The following PLA2G5 variants were observed in gnomAD, a reference collection of about 807,000 sequenced individuals.
PLA2G5 encodes the protein Ca2+-dependent phospholipase A2.
In PLA2G5, 12 loss-of-function variants were observed where a neutral mutation model predicts 15.9. The ratio of observed to expected loss-of-function variants is 0.76; its 90% CI spans 0.48 to 1.23. The LOEUF (loss-of-function observed/expected upper bound fraction) is 1.23, where lower values mean the gene tolerates loss of function less well. Ranked by LOEUF, PLA2G5 falls within the 50% of genes most tolerant of loss-of-function variation. The probability of loss-of-function intolerance (pLI) is 0.00; values close to 1 mark genes in which losing one functional copy is unlikely to be tolerated. For missense variants in PLA2G5, 169 were observed against 177.1 expected (o/e 0.95, Z 0.26); for synonymous variants, 71 against 71.4 (o/e 0.99, Z 0.03).
intron 1 of PLA2G5, among the ~76,000 whole-genome samples, chr1:20,047,188 G>A (rs753669715): frequency 6.6e-6 from 1 of 152,132 alleles, no homozygotes; most frequent in Non-Finnish European, 1.5e-5. Flanking sequence ...ATTGCCCAGC[G>A]TTTTGAGCCC....
intron 1 of PLA2G5, among the ~76,000 whole-genome samples, chr1:20,047,542 T>C (rs2013972683): frequency 6.6e-6 from 1 of 152,180 alleles, no homozygotes; most frequent in Non-Finnish European, 1.5e-5. Context: ...CTGCAAAGTA[T>C]AGAGTTCATA....
At chr1:20,067,660 C>G (rs1353517061), upstream of PLA2G5, among the ~76,000 whole-genome samples, 4 of 151,498 alleles carry the variant, frequency 2.6e-5, no homozygotes, top group African/African-American at 9.7e-5. Flanking sequence ...TGCACTCCAG[C>G]CTGGGCGACA....
Position 20,070,471 on chromosome 1 carries a change from T to A in PLA2G5, c.-11+6T>A. ...TTTGAGGCCAGGCCAAAGAGGTTAG[T>A]TACTGATGGGGGCTGCATAAATTGG... On this transcript the variant is annotated splice_donor_region_variant and intron_variant, in intron 1 of 4. Transcript: ENST00000375108. The A allele has an allele frequency of 1.0e-6, 1 of 984,398 alleles. No homozygotes were observed. The highest frequency in any genetic ancestry group is 1.2e-6 in the Non-Finnish European group (1 of 829,804). 61.0% of individuals were successfully genotyped at this position (984,398 alleles called of 1,614,324 possible). A position where few individuals can be genotyped will look rare whatever the true frequency, so the allele number is the denominator to read the frequency against.
At chr1:20,083,496 G>C (rs995451734) in intron 1 of PLA2G5, among the ~76,000 whole-genome samples, 2 of 151,876 alleles carry the variant, frequency 1.3e-5, no homozygotes, top group Admixed American at 1.3e-4. Flanking sequence ...GACAAACAAG[G>C]ACTTTGGATC....
At chr1:20,084,911 C>A (rs778378465) in intron 2 of PLA2G5, 41 bp downstream of exon 2, 112 of 1,428,498 alleles carry the variant, frequency 7.8e-5, no homozygotes, top group Non-Finnish European at 1.0e-4. Context: ...ACTTTTACCC[C>A]ATGGGAGTAA....
intron 1 of PLA2G5, among the ~76,000 whole-genome samples, chr1:20,045,819 A>C (rs1001032355): frequency 1.3e-5 from 2 of 152,172 alleles, no homozygotes; most frequent in Non-Finnish European, 2.9e-5. Context: ...CACCCAGATG[A>C]AATAAACAGC....
chr1:20,053,111 T>G lies in PLA2G5; in HGVS notation n.277-6521T>G, dbSNP rs1025943388. Among the ~76,000 whole-genome samples the G allele has an allele frequency of 7.2e-5, 11 of 152,222 alleles. 1 individual carries two copies. The highest frequency in any genetic ancestry group is 1.3e-4 in the Admixed American group (2 of 15,282). On this transcript the variant is annotated intron_variant and non_coding_transcript_variant, in intron 1 of 6. Coordinates refer to the PLA2G5 transcript ENST00000460175. Reference sequence around the variant, plus strand: ...TGATGTCATCAGGGCCTCCTGAGGCTGTGTCGTGGATGTGTGTCATCAATC... The same window carrying G: ...TGATGTCATCAGGGCCTCCTGAGGCGGTGTCGTGGATGTGTGTCATCAATC...
At chr1:20,083,846 C>T (rs565725653) in intron 1 of PLA2G5, among the ~76,000 whole-genome samples, 1 of 151,802 alleles carries the variant, frequency 6.6e-6, no homozygotes, top group Middle Eastern at 3.4e-3. Context: ...CCTCAACTTT[C>T]CCAGTGGCAA....
intron 1 of PLA2G5, among the ~76,000 whole-genome samples, chr1:20,056,311 T>C (rs553903034): frequency 6.6e-6 from 1 of 151,876 alleles, no homozygotes; most frequent in South Asian, 2.1e-4. Flanking sequence ...AGGGCAGGTG[T>C]TCCTCCTGGC....
intron 1 of PLA2G5, among the ~76,000 whole-genome samples, chr1:20,074,876 G>A (rs1348280801): frequency 6.6e-6 from 1 of 152,174 alleles, no homozygotes; most frequent in Non-Finnish European, 1.5e-5. Context: ...AGACAGACTG[G>A]GTACCCCCAG....
intron 1 of PLA2G5, among the ~76,000 whole-genome samples, chr1:20,043,659 A>G (rs182535122): frequency 3.3e-5 from 5 of 152,198 alleles, no homozygotes; most frequent in African/African-American, 1.2e-4. Flanking sequence ...TCTCAGCCTA[A>G]TAAGGGAACA....
rs2013963709 is a variant in PLA2G5, at chr1:20,047,413, A to G, written n.277-12219A>G. ...GAATGAGGAGAAAACAAAGAGAATG[A>G]CTCCTCTGTGAGCACTCTGTAGGTT... On this transcript the variant is annotated intron_variant and non_coding_transcript_variant, in intron 1 of 6. Coordinates refer to the PLA2G5 transcript ENST00000460175. Among the ~76,000 whole-genome samples, 3 of 151,362 alleles carry G rather than the reference A, an allele frequency of 2.0e-5. No individual in the cohort carries two copies. In the South Asian group the frequency reaches 6.3e-4, roughly 32 times the overall value.
intron 1 of PLA2G5, among the ~76,000 whole-genome samples, chr1:20,052,925 C>T (rs1311843009): frequency 6.6e-6 from 1 of 151,718 alleles, no homozygotes; most frequent in African/African-American, 2.4e-5. Context: ...TGTTATCTAC[C>T]TATGACCTGG....
intron 2 of PLA2G5, among the ~76,000 whole-genome samples, chr1:20,062,337 G>C (rs2014775630): frequency 6.6e-6 from 1 of 152,150 alleles, no homozygotes; most frequent in South Asian, 2.1e-4. Flanking sequence ...TCATACTCCT[G>C]TCTCTCCACA....
chr1:20,069,721 A>G (rs1351609847), upstream of PLA2G5, among the ~76,000 whole-genome samples: 1 of 151,278 alleles, frequency 6.6e-6, no homozygotes, highest in African/African-American at 2.4e-5. Context: ...GAAAGAAACC[A>G]GATTAAAGAA....
At chr1:20,085,257 A>G (rs894651816) in intron 2 of PLA2G5, among the ~76,000 whole-genome samples, 2 of 152,268 alleles carry the variant, frequency 1.3e-5, no homozygotes, top group South Asian at 4.1e-4. Context: ...ATCCCAACCT[A>G]TGATTCCTGG....
intron 1 of PLA2G5, among the ~76,000 whole-genome samples, chr1:20,059,198 C>T (rs575631597): frequency 2.6e-5 from 4 of 151,238 alleles, no homozygotes; most frequent in Non-Finnish European, 5.9e-5. Context: ...TTTGAGAGAC[C>T]AAGGCAGGAG....
chr1:20,079,022 G>A (rs149039283), intron 1 of PLA2G5, among the ~76,000 whole-genome samples: 74 of 151,862 alleles, frequency 4.9e-4, no homozygotes, highest in Admixed American at 2.3e-3. Context: ...AGGCAGGAGG[G>A]AAGATGGCTT....
intron 1 of PLA2G5, among the ~76,000 whole-genome samples, chr1:20,072,099 A>T (rs2015406036): frequency 6.6e-6 from 1 of 151,966 alleles, no homozygotes; most frequent in African/African-American, 2.4e-5. Context: ...ACAGAGCAAG[A>T]TGTCTCAAAA....
Sources: gnomAD v4.1 joint callset for allele counts (sites outside exome capture counted in the v4.1 genomes callset) on GRCh38, gnomAD v4.1.1 for gene constraint, MANE v1.5 for transcripts, NCBI Gene and HGNC (gene_info 2026-07-23, HGNC 2026-07-21) for gene names.